Variants in SYTL2 observed in about 807,000 individuals in gnomAD.
SYTL2 encodes the protein synaptotagmin like 2, also known as synaptotagmin-like protein 2.
In SYTL2, 165 loss-of-function variants were observed where a neutral mutation model predicts 198.7. The observed-to-expected ratio is 0.83, with a 90% CI of 0.73 to 0.94. The LOEUF is 0.94. Ranked by LOEUF, SYTL2 falls within the 40% of genes least tolerant of loss-of-function variation. SYTL2 has a pLI of 0.00. For synonymous variants in SYTL2, 966 were observed against 917.7 expected, an observed-to-expected ratio of 1.05 and a Z score of -0.95; for missense variants, 2,835 against 2,582.8, an observed-to-expected ratio of 1.10 and a Z score of -2.12.
intron 1 of SYTL2, among the ~76,000 whole-genome samples, chr11:85,764,984 C>A (rs975021750): frequency 7.9e-5 from 12 of 152,162 alleles, no homozygotes; most frequent in Non-Finnish European, 1.6e-4. Context: ...AGGTGGGTAA[C>A]AATGCTACAT....
chr11:85,803,279 C>T (rs1327700809), intron 1 of SYTL2, among the ~76,000 whole-genome samples: 1 of 152,230 alleles, frequency 6.6e-6, no homozygotes, highest in African/African-American at 2.4e-5. Flanking sequence ...ATAAAATCCT[C>T]ATATCATGCA....
chr11:85,811,145 A>T (rs1004324413), upstream of SYTL2: 2 of 152,002 alleles, frequency 1.3e-5, no homozygotes, highest in Non-Finnish European at 2.9e-5. Context: ...CGGCACTGTC[A>T]ACGCAGAGCG....
chr11:85,700,915 C>T (rs1194195876), intron 16 of SYTL2, among the ~76,000 whole-genome samples: 1 of 152,060 alleles, frequency 6.6e-6, no homozygotes, highest in Non-Finnish European at 1.5e-5. Flanking sequence ...GATCAAAACA[C>T]AAATATTTTG....
At chr11:85,735,724 T>C (rs1212229085) in intron 6 of SYTL2, among the ~76,000 whole-genome samples, 1 of 151,316 alleles carries the variant, frequency 6.6e-6, no homozygotes, top group East Asian at 1.9e-4. Flanking sequence ...ACCACTGCAC[T>C]CCAGCCTGGG....
chr11:85,749,073 A>G (rs1163326953), intron 2 of SYTL2, among the ~76,000 whole-genome samples: 2 of 152,206 alleles, frequency 1.3e-5, no homozygotes, highest in Non-Finnish European at 2.9e-5. Context: ...GAGTGTGTAC[A>G]GGCAAGTTCC....
At chr11:85,702,810 C>G (rs1213793915) in intron 16 of SYTL2, among the ~76,000 whole-genome samples, 1 of 152,032 alleles carries the variant, frequency 6.6e-6, no homozygotes, top group Non-Finnish European at 1.5e-5. Context: ...AGTGTCCAAA[C>G]TAAGATTTTA....
In SYTL2 at chr11:85,695,327, C is replaced by A. The variant is rs772174260; in HGVS notation, c.6588G>T (p.Gly2196=). 6.4e-7 allele frequency: 1 copy of A among 1,559,714 alleles called. No homozygotes were observed. Among genetic ancestry groups the A allele is most frequent in the South Asian group, 1.2e-5 (1 of 83,750 alleles). The change falls in exon 20 of 20, where the codon GGG becomes GGT. Residue 2196 remains glycine, a synonymous_variant. Transcript: ENST00000359152. Reference sequence around the variant, plus strand: ...TAGAGTCCATCCAGTCCACTTCAGTCCCATAACTTTTACCTGAAAAAAGGA... The same window carrying A: ...TAGAGTCCATCCAGTCCACTTCAGTACCATAACTTTTACCTGAAAAAAGGA... ...RIGFGTGKSY[G]TEVDWMDSTS...
chr11:85,767,501 C>T (rs2092266348), intron 1 of SYTL2, among the ~76,000 whole-genome samples: 1 of 152,112 alleles, frequency 6.6e-6, no homozygotes, highest in Non-Finnish European at 1.5e-5. Context: ...TGGAATTAAA[C>T]TCAGGATCAT....
intron 1 of SYTL2, among the ~76,000 whole-genome samples, chr11:85,791,668 C>G (rs1346226913): frequency 1.3e-5 from 2 of 152,140 alleles, no homozygotes; most frequent in Admixed American, 1.3e-4. Flanking sequence ...TCCAATGTGC[C>G]TGCAATAGCT....
intron 1 of SYTL2, among the ~76,000 whole-genome samples, chr11:85,760,213 G>A (rs1232453107): frequency 1.3e-5 from 2 of 152,142 alleles, no homozygotes; most frequent in Non-Finnish European, 2.9e-5. Context: ...ACCTGAACCT[G>A]ACCTCCCTGA....
Position 85,698,060 on chromosome 11 carries a change from G to A in SYTL2, c.6287C>T (p.Thr2096Ile), listed in dbSNP as rs1346858890. The A allele has an allele frequency of 3.1e-6, 5 of 1,613,268 alleles. No individual in the cohort carries two copies. The highest frequency in any genetic ancestry group is 4.2e-6 in the Non-Finnish European group (5 of 1,179,452). ...CTTCACCCAGATGTGCACTTCTCCA[G>A]TTGTAGGAAGCTTTTTACCTACAAT... ...EPVPGKKLPT[T>I]GEVHIWVKEC... Residue 2096 changes from threonine to isoleucine, a missense_variant, in exon 18 of 20, where the codon ACT (threonine) becomes ATT (isoleucine). Transcript: ENST00000359152.
intron 1 of SYTL2, among the ~76,000 whole-genome samples, chr11:85,800,622 G>T (rs1171242117): frequency 2.0e-5 from 3 of 152,146 alleles, no homozygotes; most frequent in Non-Finnish European, 4.4e-5. Flanking sequence ...TGCACTGAAT[G>T]TCAGCCCAAG....
At position 85,724,864 on chromosome 11, in the gene SYTL2, A is replaced by C; in HGVS notation, c.4494T>G (p.Ser1498Arg). The change falls in exon 8 of 20, where the codon AGT becomes AGG. Residue 1498 changes from serine to arginine, a missense_variant. By Grantham distance (110) the Ser-to-Arg change is moderately radical. Coordinates refer to ENST00000359152, the MANE Select transcript of SYTL2 (RefSeq NM_206927.4). ...CCTTCAGTAGTTTTTCTAAGCCAGC[A>C]CTGAATTCGAGGAACTCTGATTTGG... Reference protein sequence around the residue: ...VQPKSEFLEFSAGLEKLLKEE... With the variant: ...VQPKSEFLEFRAGLEKLLKEE... 6.2e-7 allele frequency: 1 copy of C among 1,614,096 alleles called. No individual in the cohort carries two copies. Among genetic ancestry groups the C allele is most frequent in the Non-Finnish European group, 8.5e-7 (1 of 1,179,998 alleles).
chr11:85,727,315 G>C lies in SYTL2; in HGVS notation c.2043C>G (p.Asn681Lys). ...TATTATTAGTGTTGCATGGAACTTGGTTTTCTGCATCAGATTCCTTGAGAA... is the reference window on the plus strand; with the variant it reads ...TATTATTAGTGTTGCATGGAACTTGCTTTTCTGCATCAGATTCCTTGAGAA... ...YSVLKESDAE[N>K]QVPCNTNNIG... Residue 681 changes from asparagine (N) to lysine (K), a missense_variant, in exon 8 of 20, where the codon AAC becomes AAG. Physicochemically the swap from Asn to Lys is moderately conservative, Grantham distance 94 (BLOSUM62 0). Around this residue, in one of 3 missense-constraint regions of SYTL2, gnomAD observed 2,645 missense variants for 2,381.7 expected, o/e 1.11. Coordinates refer to ENST00000359152, the MANE Select transcript of SYTL2 (RefSeq NM_206927.4). 6.5e-7 allele frequency: 1 copy of C among 1,535,798 alleles called. No individual in the cohort carries two copies. Among genetic ancestry groups the C allele is most frequent in the African/African-American group, 1.4e-5 (1 of 73,116 alleles).
intron 1 of SYTL2, among the ~76,000 whole-genome samples, chr11:85,805,631 A>G (rs1376919513): frequency 6.6e-6 from 1 of 152,244 alleles, no homozygotes; most frequent in Non-Finnish European, 1.5e-5. Context: ...GGATGGCAGC[A>G]CAAAACACAT....
intron 2 of SYTL2, among the ~76,000 whole-genome samples, chr11:85,755,807 G>C (rs546481779): frequency 6.6e-6 from 1 of 152,122 alleles, no homozygotes; most frequent in South Asian, 2.1e-4. Context: ...CTTTCTCCTC[G>C]TAAGCTGACT....
intron 16 of SYTL2, among the ~76,000 whole-genome samples, chr11:85,703,110 A>C (rs1265439754): frequency 6.6e-6 from 1 of 152,200 alleles, no homozygotes; most frequent in Non-Finnish European, 1.5e-5. Context: ...GAAAAAAAGT[A>C]TACAGAAAAG....
intron 9 of SYTL2, chr11:85,719,300 CTG>C: frequency 8.6e-7 from 1 of 1,160,832 alleles, no homozygotes; most frequent in Non-Finnish European, 1.1e-6. Flanking sequence ...AGAGATGTAA[CTG>C]GGGACCAGCT....
chr11:85,752,446 C>A (rs1053568185), intron 2 of SYTL2, among the ~76,000 whole-genome samples: 3 of 152,208 alleles, frequency 2.0e-5, no homozygotes, highest in African/African-American at 4.8e-5. Context: ...ACACTTTCTA[C>A]TACCCGATCC....
Sources: allele counts gnomAD v4.1 joint callset (sites outside exome capture counted in the v4.1 genomes callset), GRCh38; gene constraint gnomAD v4.1.1; regional missense constraint gnomAD v4.1.1; transcripts MANE v1.5; gene names NCBI Gene and HGNC (gene_info 2026-07-23, HGNC 2026-07-21).